Variants in TAFA5 observed in about 807,000 individuals in gnomAD.
TAFA5 encodes TAFA chemokine like family member 5.
TAFA5 carries 6 observed loss-of-function variants against 15.3 expected under a neutral mutation model. That is an observed-to-expected ratio of 0.39 (90% CI 0.21 to 0.77). TAFA5 has a LOEUF of 0.77. Ranked by LOEUF, TAFA5 falls within the 30% of genes least tolerant of loss-of-function variation. TAFA5 has a pLI of 0.41. For missense variants in TAFA5, 161 were observed against 193.1 expected (o/e 0.83, Z 0.98); for synonymous variants, 103 against 80.7 (o/e 1.28, Z -1.48).
chr22:48,620,971 TATTC>T (rs1925802192), intron 1 of TAFA5, among the ~76,000 whole-genome samples: 1 of 53,286 alleles, frequency 1.9e-5, no homozygotes, highest in African/African-American at 6.9e-5. Context: ...CCACCTATCC[TATTC>T]ATCCATCCAC....
rs373679226 is a variant in TAFA5, at chr22:48,664,040, GA to G, written c.262+17297del. On this transcript the variant is annotated intron_variant, in intron 2 of 3. Coordinates refer to ENST00000402357, the MANE Select transcript of TAFA5 (RefSeq NM_001082967.3). ...AGTAAAAAATCTTCTATCCATGAAGGAAACAGACCTCATGCTGGCTTTGCTG... is the reference window on the plus strand; with the variant it reads ...AGTAAAAAATCTTCTATCCATGAAGGAACAGACCTCATGCTGGCTTTGCTG... Among the ~76,000 whole-genome samples, 324 of 152,302 alleles carry G rather than the reference GA, an allele frequency of 2.1e-3. 1 individual carries two copies. The highest frequency in any genetic ancestry group is 7.6e-3 in the African/African-American group (316 of 41,564).
intron 2 of TAFA5, among the ~76,000 whole-genome samples, chr22:48,664,753 G>A (rs1927555365): frequency 2.0e-5 from 3 of 152,100 alleles, no homozygotes; most frequent in South Asian, 2.1e-4. Flanking sequence ...TGTGAGAGCC[G>A]CCCGTGCTGT....
intron 1 of TAFA5, among the ~76,000 whole-genome samples, chr22:48,624,977 T>A (rs910830668): frequency 1.4e-4 from 22 of 152,202 alleles, no homozygotes; most frequent in African/African-American, 5.1e-4. Context: ...CATCAGGGTG[T>A]GGTGGCGGGC....
chr22:48,675,188 C>G (rs1319301462), intron 2 of TAFA5, among the ~76,000 whole-genome samples: 1 of 152,232 alleles, frequency 6.6e-6, no homozygotes, highest in Non-Finnish European at 1.5e-5. Flanking sequence ...GTGATCCACC[C>G]ACCTCGGCCT....
chr22:48,587,204 A>C (rs770763552), intron 1 of TAFA5, among the ~76,000 whole-genome samples: 75 of 152,292 alleles, frequency 4.9e-4, no homozygotes, highest in Non-Finnish European at 8.2e-4. Context: ...GTGGAGGCCC[A>C]TGACGGTTTC....
intron 1 of TAFA5, among the ~76,000 whole-genome samples, chr22:48,576,949 C>G (rs1049455463): frequency 9.2e-5 from 14 of 152,140 alleles, no homozygotes; most frequent in African/African-American, 3.4e-4. Flanking sequence ...GGCACCAGCG[C>G]TCCACGGTGG....
intron 1 of TAFA5, among the ~76,000 whole-genome samples, chr22:48,634,706 C>G (rs1490346176): frequency 6.6e-6 from 1 of 152,210 alleles, no homozygotes; most frequent in Non-Finnish European, 1.5e-5. Context: ...GTCATTCATT[C>G]ATTCACCCTC....
At chr22:48,581,911 GT>G (rs1924059903) in intron 1 of TAFA5, among the ~76,000 whole-genome samples, 1 of 152,164 alleles carries the variant, frequency 6.6e-6, no homozygotes, top group African/African-American at 2.4e-5. Flanking sequence ...GAGACACATA[GT>G]TTTGTGGCTG....
intron 2 of TAFA5, among the ~76,000 whole-genome samples, chr22:48,650,225 C>T (rs1404167114): frequency 6.6e-6 from 1 of 152,314 alleles, no homozygotes; most frequent in East Asian, 1.9e-4. Context: ...ACTTGCTGCC[C>T]CTACCGCGTT....
chr22:48,750,027 G>A lies in TAFA5; in HGVS notation c.*180G>A. ...GGCATCCTGAGCTTCGGTCTGTCCA[G>A]CCGACCCGAGGAGGCCGGACTCAGA... On this transcript the variant is annotated 3_prime_UTR_variant, in exon 4 of 4. Coordinates refer to ENST00000402357, the MANE Select transcript of TAFA5 (RefSeq NM_001082967.3). The A allele has an allele frequency of 1.6e-6, 1 of 643,122 alleles. No individual in the cohort carries two copies. The highest frequency in any genetic ancestry group is 2.7e-5 in the East Asian group (1 of 36,416). 39.8% of individuals were successfully genotyped at this position (643,122 alleles called of 1,614,324 possible).
chr22:48,531,303 G>A (rs549712391), intron 1 of TAFA5, among the ~76,000 whole-genome samples: 50 of 152,222 alleles, frequency 3.3e-4, no homozygotes, highest in Non-Finnish European at 6.0e-4. Flanking sequence ...TCCTGGGCAG[G>A]GTGGGGCTGT....
intron 1 of TAFA5, among the ~76,000 whole-genome samples, chr22:48,572,412 G>C (rs1923621744): frequency 6.6e-6 from 1 of 152,194 alleles, no homozygotes; most frequent in Non-Finnish European, 1.5e-5. Context: ...GGGCAAACAG[G>C]GTCCCCACAT....
chr22:48,689,357 A>G (rs5771954), intron 2 of TAFA5, among the ~76,000 whole-genome samples: 86,552 of 151,742 alleles, frequency 0.57, 24,883 homozygotes, highest in Non-Finnish European at 0.61. Context: ...CATCTGGAGC[A>G]CCCCCGTCTG....
chr22:48,528,313 C>T (rs1393575603), intron 1 of TAFA5, among the ~76,000 whole-genome samples: 2 of 152,152 alleles, frequency 1.3e-5, no homozygotes, highest in African/African-American at 2.4e-5. Flanking sequence ...GGGCATGAGT[C>T]GGTGCCACCT....
In TAFA5 at chr22:48,490,725, T is replaced by C. The variant is rs1928120146; in HGVS notation, c.112+1021T>C. ...TAGGACGGGTGCTGGGGAGCACCTG[T>C]CATGGAGAATTGCCATGGGCGCGGG... On this transcript the variant is annotated intron_variant, in intron 1 of 3. Transcript: ENST00000402357. This position sits in a 1 kb window ranked among gnomAD's most constrained non-coding sequence, Gnocchi z 5.8. Among the ~76,000 whole-genome samples the C allele has an allele frequency of 7.1e-6, 1 of 139,994 alleles. No homozygotes were observed. The highest frequency in any genetic ancestry group is 1.5e-5 in the Non-Finnish European group (1 of 66,636). 91.8% of individuals were successfully genotyped at this position (139,994 alleles called of 152,430 possible).
chr22:48,740,847 G>C (rs1930159883), intron 3 of TAFA5, among the ~76,000 whole-genome samples: 1 of 152,166 alleles, frequency 6.6e-6, no homozygotes, highest in Non-Finnish European at 1.5e-5. Context: ...GGGGAGCTCA[G>C]TGACCCCCCG....
chr22:48,551,503 T>C (rs1022216428), intron 1 of TAFA5, among the ~76,000 whole-genome samples: 1 of 152,168 alleles, frequency 6.6e-6, no homozygotes, highest in Non-Finnish European at 1.5e-5. Flanking sequence ...GCTCGCTGGT[T>C]TTCCAGGCAC....
chr22:48,655,830 CTTTTTTTTT>C (rs1197219539), intron 2 of TAFA5, among the ~76,000 whole-genome samples: 2 of 62,410 alleles, frequency 3.2e-5, no homozygotes, highest in South Asian at 6.7e-4. Flanking sequence ...AACACTGATT[CTTTTTTTTT>C]TTTTTTTTTT....
intron 1 of TAFA5, among the ~76,000 whole-genome samples, chr22:48,555,132 C>G (rs75877187): frequency 0.016 from 2,484 of 152,340 alleles, 69 homozygotes; most frequent in African/African-American, 0.057. Flanking sequence ...ACCACTGTCT[C>G]TTAGCAAACA....
Sources: allele counts gnomAD v4.1 joint callset (sites outside exome capture counted in the v4.1 genomes callset), GRCh38; gene constraint gnomAD v4.1.1; non-coding constraint Gnocchi (gnomAD v3.1); transcripts MANE v1.5; gene names NCBI Gene and HGNC (gene_info 2026-07-23, HGNC 2026-07-21).